Variants in SAMD3 observed in about 807,000 individuals in gnomAD.
SAMD3 encodes sterile alpha motif domain-containing protein 3.
SAMD3 carries 63 observed loss-of-function variants against 58.5 expected under a neutral mutation model. The ratio of observed to expected loss-of-function variants is 1.08; its 90% CI spans 0.88 to 1.33. The LOEUF (loss-of-function observed/expected upper bound fraction) is 1.33. Among genes scored for constraint, SAMD3 ranks in the 40% most tolerant of loss-of-function variants. SAMD3 has a pLI of 0.00. For missense variants in SAMD3, 604 were observed against 608.4 expected (o/e 0.99, Z 0.08); for synonymous variants, 220 against 210.3 (o/e 1.05, Z -0.40).
At chr6:130,255,489 C>T (rs1391580734) in intron 2 of SAMD3, among the ~76,000 whole-genome samples, 1 of 152,076 alleles carries the variant, frequency 6.6e-6, no homozygotes, top group African/African-American at 2.4e-5. Flanking sequence ...ATATTGGGTG[C>T]ATAAATATTT....
At chr6:130,351,962 G>A (rs1044242520) in intron 1 of SAMD3, among the ~76,000 whole-genome samples, 7 of 149,538 alleles carry the variant, frequency 4.7e-5, no homozygotes, top group Non-Finnish European at 1.0e-4. Flanking sequence ...CTATCACAAG[G>A]ACAAAAAACC....
At chr6:130,342,593 G>C (rs573274512) in intron 1 of SAMD3, among the ~76,000 whole-genome samples, 3 of 152,016 alleles carry the variant, frequency 2.0e-5, no homozygotes, top group African/African-American at 7.2e-5. Flanking sequence ...TACCATATCA[G>C]CTAGACAGGC....
chr6:130,157,861 G>T (rs1186481951), intron 8 of SAMD3, among the ~76,000 whole-genome samples: 1 of 151,870 alleles, frequency 6.6e-6, no homozygotes, highest in Non-Finnish European at 1.5e-5. Context: ...TGTTACAGCT[G>T]AGTTTTTCAG....
At chr6:130,325,419 G>A (rs1776724897) in intron 1 of SAMD3, among the ~76,000 whole-genome samples, 1 of 152,172 alleles carries the variant, frequency 6.6e-6, no homozygotes, top group African/African-American at 2.4e-5. Context: ...AGCTCCTGAA[G>A]AGAGAGAATT....
In SAMD3 at chr6:130,210,580, C is replaced by T. The variant is rs1312638998; in HGVS notation, c.270-972G>A. 2.2e-5 allele frequency among the ~76,000 whole-genome samples: 3 copies of T among 135,516 alleles called. No homozygotes were observed. The East Asian group carries it at 6.6e-4, about 30-fold the overall frequency. 88.9% of individuals were successfully genotyped at this position (135,516 alleles called of 152,430 possible). A position where few individuals can be genotyped will look rare whatever the true frequency, so the allele number is the denominator to read the frequency against. On this transcript the variant is annotated intron_variant, in intron 4 of 11. Coordinates refer to ENST00000439090, the MANE Select transcript of SAMD3 (RefSeq NM_001017373.4). ...TGCCATTGCACTCCAGCCTGGGCGA[C>T]AAGAGAGAAACTCCATCAAAAAAAA...
At chr6:130,175,445 G>A (rs1791633339) in intron 8 of SAMD3, among the ~76,000 whole-genome samples, 1 of 152,082 alleles carries the variant, frequency 6.6e-6, no homozygotes, top group Non-Finnish European at 1.5e-5. Context: ...TTTCTTCCCT[G>A]AAACCTGGAG....
intron 2 of SAMD3, among the ~76,000 whole-genome samples, chr6:130,255,599 C>T (rs916214191): frequency 1.3e-5 from 2 of 152,112 alleles, no homozygotes; most frequent in African/African-American, 4.8e-5. Context: ...TCTTTTGAAT[C>T]CTTTGTGTGA....
intron 2 of SAMD3, among the ~76,000 whole-genome samples, chr6:130,231,955 T>C (rs1052339576): frequency 3.9e-5 from 6 of 152,326 alleles, no homozygotes; most frequent in South Asian, 2.1e-4. Context: ...TCCTACCTCA[T>C]GGTTACTGAG....
At chr6:130,284,133 G>T (rs1966965) in intron 2 of SAMD3, among the ~76,000 whole-genome samples, 2 of 152,024 alleles carry the variant, frequency 1.3e-5, no homozygotes, top group African/African-American at 4.8e-5. Flanking sequence ...GATTATAGGC[G>T]TGAGCCACCA....
rs559728716 is a variant in SAMD3, at chr6:130,290,667, C to T, written c.-188+22311G>A. Among the ~76,000 whole-genome samples, 21 of 152,286 alleles carry T rather than the reference C, an allele frequency of 1.4e-4. No individual in the cohort carries two copies. The South Asian group carries it at 4.4e-3, about 32-fold the overall frequency. On this transcript the variant is annotated intron_variant, in intron 2 of 13. Transcript: ENST00000368134. ...CCTTTGGGAGCTAAGAGTCCTTCAG[C>T]AAATATTGCATTCTTTCTGTGATTC...
upstream of SAMD3, among the ~76,000 whole-genome samples, chr6:130,225,021 T>G (rs1408089598): frequency 2.0e-5 from 3 of 152,066 alleles, no homozygotes; most frequent in Non-Finnish European, 2.9e-5. Context: ...TTTGTGTGTA[T>G]GTGTGTGTGT....
At chr6:130,281,529 A>C (rs543152853) in intron 2 of SAMD3, among the ~76,000 whole-genome samples, 26 of 152,162 alleles carry the variant, frequency 1.7e-4, no homozygotes, top group African/African-American at 5.5e-4. Context: ...CACTCTCTCT[A>C]TAGAGGAAAT....
intron 2 of SAMD3, among the ~76,000 whole-genome samples, chr6:130,255,605 T>C (rs1358908476): frequency 2.0e-5 from 3 of 152,214 alleles, no homozygotes; most frequent in Non-Finnish European, 2.9e-5. Flanking sequence ...GAATCCTTTG[T>C]GTGAAATATC....
intron 1 of SAMD3, among the ~76,000 whole-genome samples, chr6:130,344,450 C>G (rs1023284307): frequency 1.4e-4 from 21 of 152,096 alleles, no homozygotes; most frequent in African/African-American, 4.6e-4. Context: ...GATGTGATTT[C>G]GGCTCACTGC....
intron 7 of SAMD3, among the ~76,000 whole-genome samples, chr6:130,181,232 C>T (rs550108895): frequency 2.6e-5 from 4 of 152,132 alleles, no homozygotes; most frequent in Non-Finnish European, 5.9e-5. Flanking sequence ...TAGGCATGAG[C>T]CACCGTACCC....
intron 2 of SAMD3, among the ~76,000 whole-genome samples, chr6:130,266,776 C>A (rs970641727): frequency 5.9e-5 from 9 of 152,116 alleles, no homozygotes; most frequent in African/African-American, 1.9e-4. Flanking sequence ...TAAAAACAGG[C>A]GAACTCCTAG....
chr6:130,198,248 G>A (rs1031257182), intron 5 of SAMD3, among the ~76,000 whole-genome samples: 23 of 152,110 alleles, frequency 1.5e-4, no homozygotes, highest in African/African-American at 5.6e-4. Context: ...CTGTTATCCA[G>A]GCAGGAGTGA....
intron 2 of SAMD3, among the ~76,000 whole-genome samples, chr6:130,312,791 A>G (rs7764803): frequency 0.036 from 5,033 of 139,990 alleles, 279 homozygotes; most frequent in African/African-American, 0.16. Context: ...GTGAGTATAC[A>G]TGCACACACA....
chr6:130,218,146 T>C (rs1397702780), intron 1 of SAMD3, among the ~76,000 whole-genome samples: 1 of 152,158 alleles, frequency 6.6e-6, no homozygotes, highest in African/African-American at 2.4e-5. Context: ...TCACAGACAC[T>C]TTGAAGGGTC....
Sources: allele counts gnomAD v4.1 joint callset (sites outside exome capture counted in the v4.1 genomes callset), GRCh38; gene constraint gnomAD v4.1.1; transcripts MANE v1.5; gene names NCBI Gene and HGNC (gene_info 2026-07-23, HGNC 2026-07-21).